LRRIQ3: variants seen among roughly 807,000 people sequenced by gnomAD.
The protein encoded by LRRIQ3 is leucine rich repeats and IQ motif containing 3.
LRRIQ3 carries 75 observed loss-of-function variants against 59.3 expected under a neutral mutation model. The ratio of observed to expected loss-of-function variants is 1.26; its 90% CI spans 1.05 to 1.53. The LOEUF (loss-of-function observed/expected upper bound fraction) is 1.53, where lower values mean the gene tolerates loss of function less well. Ranked by LOEUF, LRRIQ3 falls within the 40% of genes most tolerant of loss-of-function variation. The pLI, the probability that LRRIQ3 is intolerant of heterozygous loss-of-function variation, is 0.00. For missense variants in LRRIQ3, 831 were observed against 710.0 expected (o/e 1.17, Z -1.94); for synonymous variants, 250 against 231.3 (o/e 1.08, Z -0.73).
intron 7 of LRRIQ3, among the ~76,000 whole-genome samples, chr1:74,032,847 G>T (rs1653758683): frequency 6.6e-6 from 1 of 151,862 alleles, no homozygotes; most frequent in South Asian, 2.1e-4. Context: ...TGATTTTAAA[G>T]ATTATAAGAA....
At chr1:74,166,098 T>C (rs1316922539) in intron 3 of LRRIQ3, among the ~76,000 whole-genome samples, 1 of 151,684 alleles carries the variant, frequency 6.6e-6, no homozygotes, top group African/African-American at 2.4e-5. Context: ...TGTTCCTTTT[T>C]TATTTTTATT....
At chr1:74,062,606 CTAGA>C (rs1389781200) in intron 6 of LRRIQ3, among the ~76,000 whole-genome samples, 2 of 152,020 alleles carry the variant, frequency 1.3e-5, no homozygotes, top group Non-Finnish European at 1.5e-5. Context: ...CAACAGTAGA[CTAGA>C]TAAAGAAAAT....
At chr1:74,075,097 C>G (rs1222658853) in intron 5 of LRRIQ3, among the ~76,000 whole-genome samples, 1 of 151,886 alleles carries the variant, frequency 6.6e-6, no homozygotes, top group Admixed American at 6.6e-5. Flanking sequence ...AAGGAATAAA[C>G]AAAGAGAAGC....
chr1:74,103,795 C>T (rs992724097), intron 5 of LRRIQ3, among the ~76,000 whole-genome samples: 3 of 151,426 alleles, frequency 2.0e-5, no homozygotes, highest in African/African-American at 7.3e-5. Flanking sequence ...CTTCCCCCCC[C>T]CGCCATATTT....
At chr1:74,173,175 T>C (rs928074313) in intron 3 of LRRIQ3, among the ~76,000 whole-genome samples, 5 of 151,550 alleles carry the variant, frequency 3.3e-5, no homozygotes, top group African/African-American at 4.9e-5. Context: ...CGGGCACCTA[T>C]AGTTCCAGCT....
intron 4 of LRRIQ3, among the ~76,000 whole-genome samples, chr1:74,111,421 T>C (rs1423637182): frequency 1.3e-5 from 2 of 151,960 alleles, no homozygotes; most frequent in Non-Finnish European, 2.9e-5. Context: ...GGCAGAAGTA[T>C]GCTTCATGAG....
rs1646660443 is a variant in LRRIQ3, at chr1:74,109,495, T to C, written c.766A>G (p.Lys256Glu). The C allele has an allele frequency of 1.3e-6, 2 of 1,574,358 alleles. No homozygotes were observed. Among genetic ancestry groups the C allele is most frequent in the Non-Finnish European group, 1.7e-6 (2 of 1,164,258 alleles). Residue 256 changes from lysine (K) to glutamate (E), a missense_variant, in exon 5 of 8, where the codon AAA becomes GAA. Coordinates refer to ENST00000354431, the MANE Select transcript of LRRIQ3 (RefSeq NM_001105659.2). ...QEKIIRGYEA[K>E]WIYITKGYED... is the part of the protein sequence containing the mutation. ...TACCCTTTGGTTATGTAAATCCATT[T>C]TGCTTCATATCCTCTAATAATTTTT...
At position 74,188,226 on chromosome 1, in the gene LRRIQ3, A is replaced by G. The variant is rs546405826; in HGVS notation, c.1-4542T>C. On this transcript the variant is annotated intron_variant, in intron 1 of 7. Transcript: ENST00000354431. ...TGTGGAAGCTAAATTATGAAAACAC[A>G]TGGACACATAAAGGGGAACAACACA... Among the ~76,000 whole-genome samples the G allele has an allele frequency of 2.0e-5, 3 of 152,284 alleles. No individual in the cohort carries two copies. In the South Asian group the frequency reaches 6.2e-4, roughly 32 times the overall value.
chr1:74,076,922 T>A (rs929738667), intron 5 of LRRIQ3, among the ~76,000 whole-genome samples: 1 of 152,090 alleles, frequency 6.6e-6, no homozygotes. Flanking sequence ...GAAACACAAA[T>A]AAGTACTTTT....
chr1:74,155,576 G>A, intron 4 of LRRIQ3, 157 bp downstream of exon 4: 1 of 502,056 alleles, frequency 2.0e-6, no homozygotes, highest in African/African-American at 2.0e-5. Context: ...TATTACTATA[G>A]AGTCTGTGGT....
chr1:74,177,320 A>G (rs1224460034), intron 3 of LRRIQ3, among the ~76,000 whole-genome samples: 3 of 152,052 alleles, frequency 2.0e-5, no homozygotes, highest in Non-Finnish European at 4.4e-5. Flanking sequence ...ATTGGACTCC[A>G]AGTTCTTCAG....
chr1:74,147,154 G>A (rs1240177973), intron 4 of LRRIQ3, among the ~76,000 whole-genome samples: 1 of 152,136 alleles, frequency 6.6e-6, no homozygotes, highest in Non-Finnish European at 1.5e-5. Flanking sequence ...CTTGAGCCCA[G>A]GAAGGTGGAG....
Position 74,061,065 on chromosome 1 carries a change from G to C in LRRIQ3, c.997+13596C>G, listed in dbSNP as rs1223789673. Among the ~76,000 whole-genome samples, 3 of 152,104 alleles carry C rather than the reference G, an allele frequency of 2.0e-5. No individual in the cohort carries two copies. In the South Asian group the frequency reaches 6.2e-4, roughly 32 times the overall value. On this transcript the variant is annotated intron_variant, in intron 6 of 7. Transcript: ENST00000354431. ...GAGGTGGAGGGGCAGGACTTGATCT[G>C]ATATATGACCTCAGCAAAGTTTCAG...
intron 6 of LRRIQ3, among the ~76,000 whole-genome samples, chr1:74,067,466 T>G (rs1344070344): frequency 6.6e-6 from 1 of 152,100 alleles, no homozygotes; most frequent in Non-Finnish European, 1.5e-5. Context: ...TTCAGTGCAC[T>G]TTTTAGTGCT....
chr1:74,154,233 T>C (rs1185401298), intron 4 of LRRIQ3, among the ~76,000 whole-genome samples: 1 of 77,098 alleles, frequency 1.3e-5, no homozygotes, highest in East Asian at 3.4e-4. Context: ...AGAGCGAGAC[T>C]CCTTCTCAAA....
In LRRIQ3 at chr1:74,155,760, C is replaced by A. The variant is rs188164030; in HGVS notation, c.680G>T (p.Arg227Leu). The part of the protein sequence containing the change: ...SPVLIVQRWI[R>L]GFLVRKNLSP... The stretch of plus-strand genomic sequence containing the variant: ...CAAATTTTTTCTAACTAAGAAACCA[C>A]GTATCCATCTTTGAACAATCAAAAC... Residue 227 changes from arginine to leucine, a missense_variant, in exon 4 of 8, where the codon CGT (arginine) becomes CTT (leucine). By Grantham distance (102) the Arg-to-Leu change is moderately radical. Transcript: ENST00000354431. The A allele has an allele frequency of 6.4e-7, 1 of 1,574,772 alleles. No individual in the cohort carries two copies. The highest frequency in any genetic ancestry group is 2.3e-5 in the East Asian group (1 of 42,878).
At chr1:74,106,762 T>C (rs1646620093) in intron 5 of LRRIQ3, among the ~76,000 whole-genome samples, 1 of 152,002 alleles carries the variant, frequency 6.6e-6, no homozygotes, top group Non-Finnish European at 1.5e-5. Context: ...AGCAAAATCT[T>C]TCATATTAGT....
chr1:74,120,318 A>G (rs1192559255), intron 4 of LRRIQ3, among the ~76,000 whole-genome samples: 2 of 152,026 alleles, frequency 1.3e-5, no homozygotes, highest in East Asian at 1.9e-4. Flanking sequence ...GGATTTCACT[A>G]TGTTGGCCAG....
Position 74,182,519 on chromosome 1 carries a change from C to A in LRRIQ3, c.573+19G>T, listed in dbSNP as rs1424707320. On this transcript the variant is annotated intron_variant, in intron 3 of 7. Transcript: ENST00000354431. Reference sequence around the variant, plus strand: ...TTTTATACATTTAATTAAAATGAAACCCTAAAGAAGCCAATTACCTTTCTC... The same window carrying A: ...TTTTATACATTTAATTAAAATGAAAACCTAAAGAAGCCAATTACCTTTCTC... 2.1e-6 allele frequency: 3 copies of A among 1,448,116 alleles called. No individual in the cohort carries two copies. Among genetic ancestry groups the A allele is most frequent in the Non-Finnish European group, 1.8e-6 (2 of 1,096,844 alleles). 89.7% of individuals were successfully genotyped at this position (1,448,116 alleles called of 1,614,324 possible).
Sources: gnomAD v4.1 joint callset for allele counts (sites outside exome capture counted in the v4.1 genomes callset) on GRCh38, gnomAD v4.1.1 for gene constraint, MANE v1.5 for transcripts, NCBI Gene and HGNC (gene_info 2026-07-23, HGNC 2026-07-21) for gene names.